The following CALU variants were observed in gnomAD, a reference collection of about 807,000 sequenced individuals.
The protein encoded by CALU is calumenin.
In CALU, 13 loss-of-function variants were observed where a neutral mutation model predicts 37.5. That is an observed-to-expected ratio of 0.35 (90% CI 0.23 to 0.55). The LOEUF (loss-of-function observed/expected upper bound fraction) is 0.55, where lower values mean the gene tolerates loss of function less well. CALU is among the 20% of genes least tolerant of loss of function. The pLI is 0.89. For missense variants in CALU, 282 were observed against 391.7 expected (o/e 0.72, Z 2.36); for synonymous variants, 114 against 133.8 (o/e 0.85, Z 1.02).
chr7:128,772,771 C>T lies in CALU; in HGVS notation c.*3604C>T. ...TGCACAATGCTTTGTACCCAGAATGCCCTTAGGTGGTTTTGAATCTATCTT... is the reference window on the plus strand; with the variant it reads ...TGCACAATGCTTTGTACCCAGAATGTCCTTAGGTGGTTTTGAATCTATCTT... On this transcript the variant is annotated 3_prime_UTR_variant, in exon 7 of 7. Transcript: ENST00000249364. The T allele has an allele frequency of 7.0e-7, 1 of 1,437,278 alleles. No homozygotes were observed. The allele number at this position is 1,437,278 out of a possible 1,614,324, so 89.0% of individuals were successfully genotyped here.
Position 128,770,129 on chromosome 7 carries a change from A to G in CALU, c.*962A>G, listed in dbSNP as rs976937238. The stretch of plus-strand genomic sequence containing the variant: ...TACAATTAAAATTCACTCCTTTCCA[A>G]TCATGTCATTGAAAGTGCCTTTAAC... On this transcript the variant is annotated 3_prime_UTR_variant, in exon 7 of 7. Transcript: ENST00000249364. 6.6e-6 allele frequency: 1 copy of G among 152,580 alleles called. No homozygotes were observed. Among genetic ancestry groups the G allele is most frequent in the African/African-American group, 2.4e-5 (1 of 41,418 alleles). 9.5% of individuals were successfully genotyped at this position (152,580 alleles called of 1,614,324 possible). A position where few individuals can be genotyped will look rare whatever the true frequency, so the allele number is the denominator to read the frequency against.
intron 2 of CALU, among the ~76,000 whole-genome samples, chr7:128,751,019 A>G (rs889050208): frequency 2.0e-5 from 3 of 152,122 alleles, no homozygotes; most frequent in Admixed American, 2.0e-4. Context: ...GCTGGGCGCA[A>G]TGGCTCATGC....
At chr7:128,751,625 G>T (rs1800679537) in intron 2 of CALU, among the ~76,000 whole-genome samples, 1 of 152,158 alleles carries the variant, frequency 6.6e-6, no homozygotes, top group Admixed American at 6.5e-5. Context: ...TACTAAGGAG[G>T]TTGAGATGAG....
At chr7:128,768,860 A>AAAAAAAAAAAAAAAAC in intron 6 of CALU, among the ~76,000 whole-genome samples, 1 of 150,264 alleles carries the variant, frequency 6.7e-6, no homozygotes, top group African/African-American at 2.5e-5. Context: ...AAAAAAAAAA[A>AAAAAAAAAAAAAAAAC]AAAAAAAACA....
chr7:128,766,425 C>CT (rs11288081), intron 5 of CALU, among the ~76,000 whole-genome samples: 65 of 94,932 alleles, frequency 6.8e-4, no homozygotes, highest in East Asian at 1.7e-3. Flanking sequence ...ATTTCTTTTT[C>CT]TTTTTTTTTT....
At position 128,767,405 on chromosome 7, in the gene CALU, GT is replaced by G. The variant is rs35035094; in HGVS notation, c.644-47del. The G allele has an allele frequency of 2.0e-4, 282 of 1,432,840 alleles. 3 individuals are homozygous for G. The South Asian group carries it at 3.1e-3, about 16-fold the overall frequency. 88.8% of individuals were successfully genotyped at this position (1,432,840 alleles called of 1,614,324 possible). A position where few individuals can be genotyped will look rare whatever the true frequency, so the allele number is the denominator to read the frequency against. ...GGTTAGGCCAGATTAGCATGAGGCA[GT>G]TTTGGGGAAAAGACAAACCCTTCTT... On this transcript the variant is annotated intron_variant, in intron 5 of 6. Coordinates refer to ENST00000249364, the MANE Select transcript of CALU (RefSeq NM_001219.5).
chr7:128,768,121 CAATT>C (rs1422477829), intron 6 of CALU, among the ~76,000 whole-genome samples: 3 of 152,034 alleles, frequency 2.0e-5, no homozygotes, highest in Non-Finnish European at 2.9e-5. Flanking sequence ...TGTCCTTGAT[CAATT>C]AATTATCTGA....
intron 5 of CALU, among the ~76,000 whole-genome samples, chr7:128,764,927 T>C (rs1303512340): frequency 2.0e-5 from 3 of 152,190 alleles, no homozygotes; most frequent in African/African-American, 7.2e-5. Flanking sequence ...CTTCTTCTTC[T>C]TCTTTTTTAA....
chr7:128,769,044 T>C lies in CALU; in HGVS notation c.844-19T>C, dbSNP rs758172950. The C allele has an allele frequency of 5.1e-6, 7 of 1,373,946 alleles. No homozygotes were observed. The highest frequency in any genetic ancestry group is 1.4e-5 in the African/African-American group (1 of 70,208). The allele number at this position is 1,373,946 out of a possible 1,614,324, so 85.1% of individuals were successfully genotyped here. ...GGGAAATATGTTCTTCTTCAATTCA[T>C]TGCTATCTCTACTTTCAGGATGGCA... On this transcript the variant is annotated intron_variant, in intron 6 of 6. Transcript: ENST00000249364.
intron 6 of CALU, among the ~76,000 whole-genome samples, chr7:128,768,855 A>AAAAAAAAAAAAAAC (rs1562883592): frequency 4.0e-5 from 6 of 149,500 alleles, no homozygotes; most frequent in Non-Finnish European, 8.9e-5. Flanking sequence ...CTCAAAAAAA[A>AAAAAAAAAAAAAAC]AAAAAAAAAA....
intron 5 of CALU, among the ~76,000 whole-genome samples, chr7:128,762,001 A>C (rs1801135907): frequency 6.6e-6 from 1 of 152,046 alleles, no homozygotes; most frequent in South Asian, 2.1e-4. Flanking sequence ...TTTTTAAAGA[A>C]GGATGAGCAA....
intron 2 of CALU, 120 bp downstream of exon 2, chr7:128,748,924 A>G: frequency 1.6e-6 from 1 of 641,092 alleles, no homozygotes; most frequent in East Asian, 2.7e-5. Context: ...ACATCTTCTG[A>G]AAGCTAACCA....
rs1209904811 is a variant in CALU at position 128,771,292 on chromosome 7, T to C, written c.*2125T>C. 1 of 152,630 alleles carries C rather than the reference T, an allele frequency of 6.6e-6. No homozygotes were observed. The highest frequency in any genetic ancestry group is 1.5e-5 in the Non-Finnish European group (1 of 68,038). The allele number at this position is 152,630 out of a possible 1,614,324, so 9.5% of individuals were successfully genotyped here. Reference sequence around the variant, plus strand: ...GATCCCTTTGAAATTTTTTTTTTGTTTGTTTGTTTAAATCAAGCCTGAGGC... The same window carrying C: ...GATCCCTTTGAAATTTTTTTTTTGTCTGTTTGTTTAAATCAAGCCTGAGGC... On this transcript the variant is annotated 3_prime_UTR_variant, in exon 7 of 7. Transcript: ENST00000249364.
chr7:128,762,645 A>C (rs1285461735), intron 5 of CALU, among the ~76,000 whole-genome samples: 1 of 151,412 alleles, frequency 6.6e-6, no homozygotes, highest in Non-Finnish European at 1.5e-5. Flanking sequence ...AGAGCATTGC[A>C]GACGTACACA....
In CALU at chr7:128,769,886, A is replaced by G. The variant is rs572511367; in HGVS notation, c.*719A>G. The G allele has an allele frequency of 2.6e-5, 4 of 152,352 alleles. No individual in the cohort carries two copies. Among genetic ancestry groups the G allele is most frequent in the African/African-American group, 9.6e-5 (4 of 41,584 alleles). 9.4% of individuals were successfully genotyped at this position (152,352 alleles called of 1,614,324 possible). A position where few individuals can be genotyped will look rare whatever the true frequency, so the allele number is the denominator to read the frequency against. On this transcript the variant is annotated 3_prime_UTR_variant, in exon 7 of 7. Transcript: ENST00000249364. The stretch of plus-strand genomic sequence containing the variant: ...GTTAGGGCCAGTGTCTTGAAAATCA[A>G]TCAAGTAGTGAATGTGATCTCTTTG...
At chr7:128,759,750 A>G (rs756546353) in intron 4 of CALU, 42 bp from the exon 5 acceptor site, 1 of 976,636 alleles carries the variant, frequency 1.0e-6, no homozygotes, top group Non-Finnish European at 1.7e-6. Context: ...TGGCAAATTC[A>G]GAGACCAACT....
At chr7:128,746,790 A>G in intron 1 of CALU, among the ~76,000 whole-genome samples, 1 of 75,486 alleles carries the variant, frequency 1.3e-5, no homozygotes. Context: ...TTTTTTTGAG[A>G]CGGAGTCTCA....
At chr7:128,751,229 A>C (rs1437768572) in intron 2 of CALU, among the ~76,000 whole-genome samples, 1 of 150,932 alleles carries the variant, frequency 6.6e-6, no homozygotes, top group African/African-American at 2.5e-5. Flanking sequence ...CAGAGGTTGC[A>C]GTGAGCCAAG....
In CALU at chr7:128,754,337, T is replaced by G; in HGVS notation, c.297T>G (p.Phe99Leu). The change falls in exon 3 of 7, where the codon TTT becomes TTG. Residue 99 changes from phenylalanine (F) to leucine (L), a missense_variant. Coordinates refer to ENST00000249364, the MANE Select transcript of CALU (RefSeq NM_001219.5). ...TVDELKDWIK[F>L]AQKRWIYEDV... ...ATGAGCTCAAAGACTGGATTAAATT[T>G]GCACAAAAGCGCTGGATTTACGAGG... The G allele has an allele frequency of 6.2e-7, 1 of 1,614,124 alleles. No homozygotes were observed. The highest frequency in any genetic ancestry group is 1.1e-5 in the South Asian group (1 of 91,088).
Sources: gnomAD v4.1 joint callset for allele counts (sites outside exome capture counted in the v4.1 genomes callset) on GRCh38, gnomAD v4.1.1 for gene constraint, MANE v1.5 for transcripts, NCBI Gene and HGNC (gene_info 2026-07-23, HGNC 2026-07-21) for gene names.